RAP1GAP2: variants seen among roughly 807,000 people sequenced by gnomAD.
RAP1GAP2 encodes RAP1 GTPase activating protein 2.
Under a neutral mutation model 95.0 loss-of-function variants are expected in RAP1GAP2, and 27 were observed. The ratio of observed to expected loss-of-function variants is 0.28; its 90% CI spans 0.21 to 0.39. The LOEUF is 0.39. Ranked by LOEUF, RAP1GAP2 falls within the 10% of genes least tolerant of loss-of-function variation. The probability of loss-of-function intolerance (pLI) is 1.00; values close to 1 mark genes in which losing one functional copy is unlikely to be tolerated. For synonymous variants in RAP1GAP2, 373 were observed against 380.9 expected (o/e 0.98, Z 0.24); for missense variants, 771 against 970.0 (o/e 0.79, Z 2.72).
intron 2 of RAP1GAP2, among the ~76,000 whole-genome samples, chr17:2,833,814 T>C (rs1163542676): frequency 1.3e-5 from 2 of 151,426 alleles, no homozygotes; most frequent in African/African-American, 4.9e-5. Context: ...GGTGATAGGG[T>C]AGGTGACTTT....
Position 2,903,930 on chromosome 17 carries a change from A to G in RAP1GAP2, c.81-1354A>G, listed in dbSNP as rs1040435414. ...TAGGGAGGGTGGGTTTCTGTCATGA[A>G]GAAGGTGTGGGGTTGGAACTGTCGC... On this transcript the variant is annotated intron_variant, in intron 2 of 24. Transcript: ENST00000254695. This position sits in a 1 kb window ranked among gnomAD's most constrained non-coding sequence, Gnocchi z 4.1. Among the ~76,000 whole-genome samples, 3 of 152,136 alleles carry G rather than the reference A, an allele frequency of 2.0e-5. No homozygotes were observed. Among genetic ancestry groups the G allele is most frequent in the African/African-American group, 7.2e-5 (3 of 41,444 alleles).
At chr17:3,025,114 C>T (rs1232282280) in intron 19 of RAP1GAP2, among the ~76,000 whole-genome samples, 6 of 152,190 alleles carry the variant, frequency 3.9e-5, no homozygotes, top group East Asian at 1.9e-4. Flanking sequence ...CGGTGGCTCA[C>T]GCCTGTAATC....
chr17:2,790,286 A>G (rs2068891306), intron 1 of RAP1GAP2, among the ~76,000 whole-genome samples: 1 of 151,884 alleles, frequency 6.6e-6, no homozygotes, highest in Non-Finnish European at 1.5e-5. Flanking sequence ...CTAATTTTGT[A>G]TTTTTAGTAG....
At position 2,800,235 on chromosome 17, in the gene RAP1GAP2, A is replaced by G. The variant is rs117336779; in HGVS notation, c.45-280A>G. ...GACCTGACGTGAGATACCTGAATTC[A>G]GACTGGGCCAGTGATTTTACCTTTC... On this transcript the variant is annotated intron_variant, in intron 1 of 24. Coordinates refer to ENST00000254695, the MANE Select transcript of RAP1GAP2 (RefSeq NM_015085.5). 4,771 of 985,010 alleles carry G rather than the reference A, an allele frequency of 4.8e-3. 19 individuals carry two copies. The highest frequency in any genetic ancestry group is 0.014 in the Middle Eastern group (27 of 1,912). 61.0% of individuals were successfully genotyped at this position (985,010 alleles called of 1,614,324 possible).
chr17:2,986,665 C>T (rs1159363238), intron 11 of RAP1GAP2, among the ~76,000 whole-genome samples: 1 of 151,960 alleles, frequency 6.6e-6, no homozygotes, highest in Non-Finnish European at 1.5e-5. Context: ...AAATGAGCCT[C>T]ACCTAACTCT....
In RAP1GAP2 at chr17:2,843,119, C is replaced by CA. The variant is rs546677490; in HGVS notation, c.80+42575dup. On this transcript the variant is annotated intron_variant, in intron 2 of 24. Coordinates refer to ENST00000254695, the MANE Select transcript of RAP1GAP2 (RefSeq NM_015085.5). ...AAGCACACAGACAAATCAGCAACAA[C>CA]AAAAAACCCAAAACCTCAACCTGGA... 6.6e-4 allele frequency among the ~76,000 whole-genome samples: 100 copies of CA among 151,956 alleles called. 2 individuals are homozygous for CA. Among genetic ancestry groups the CA allele is most frequent in the Non-Finnish European group, 4.3e-4 (29 of 68,002 alleles).
intron 12 of RAP1GAP2, among the ~76,000 whole-genome samples, chr17:2,993,506 G>C (rs1165178230): frequency 6.6e-6 from 1 of 152,010 alleles, no homozygotes; most frequent in Non-Finnish European, 1.5e-5. Flanking sequence ...CCAGGAGATG[G>C]AGGCTGCAGT....
chr17:2,789,027 G>A (rs1124040), intron 1 of RAP1GAP2, among the ~76,000 whole-genome samples: 56,221 of 151,890 alleles, frequency 0.37, 10,750 homozygotes, highest in South Asian at 0.43. Flanking sequence ...ACATTAATGG[G>A]ACGCCCGTTT....
intron 3 of RAP1GAP2, among the ~76,000 whole-genome samples, chr17:2,941,247 C>G (rs1468045140): frequency 6.6e-6 from 1 of 151,974 alleles, no homozygotes; most frequent in Non-Finnish European, 1.5e-5. Context: ...ACTAAAAACA[C>G]AAAAATTAGC....
At chr17:2,896,148 CTT>C (rs1390919092) in intron 2 of RAP1GAP2, among the ~76,000 whole-genome samples, 1 of 152,176 alleles carries the variant, frequency 6.6e-6, no homozygotes, top group Non-Finnish European at 1.5e-5. Flanking sequence ...TTCTGTATCT[CTT>C]GTTTCACCCC....
In RAP1GAP2 at chr17:2,880,367, G is replaced by A. The variant is rs2073241388; in HGVS notation, c.81-24917G>A. 1.3e-5 allele frequency among the ~76,000 whole-genome samples: 2 copies of A among 152,050 alleles called. 1 individual carries two copies. Among genetic ancestry groups the A allele is most frequent in the South Asian group, 4.1e-4 (2 of 4,824 alleles). On this transcript the variant is annotated intron_variant, in intron 2 of 24. Transcript: ENST00000254695. Reference sequence around the variant, plus strand: ...TGGGGCCGTTGGGACAAGGGGGTGCGGAGAGTTGGGTTTGAGCCACATGGT... The same window carrying A: ...TGGGGCCGTTGGGACAAGGGGGTGCAGAGAGTTGGGTTTGAGCCACATGGT...
intron 1 of RAP1GAP2, among the ~76,000 whole-genome samples, chr17:2,759,574 C>T (rs557776824): frequency 7.4e-4 from 112 of 152,276 alleles, no homozygotes; most frequent in Non-Finnish European, 1.2e-3. Flanking sequence ...CCTCAGCCCC[C>T]GGAGTAGCTG....
At chr17:2,927,345 G>C (rs965012825) in intron 3 of RAP1GAP2, among the ~76,000 whole-genome samples, 3 of 151,342 alleles carry the variant, frequency 2.0e-5, no homozygotes, top group Non-Finnish European at 2.9e-5. Flanking sequence ...AGTAGAGACG[G>C]GGTTTCACCG....
intron 2 of RAP1GAP2, among the ~76,000 whole-genome samples, chr17:2,896,890 C>G (rs1206994976): frequency 1.3e-5 from 2 of 152,210 alleles, no homozygotes; most frequent in Non-Finnish European, 2.9e-5. Flanking sequence ...CAGGGTCCTG[C>G]GCAGGGTGTA....
intron 8 of RAP1GAP2, among the ~76,000 whole-genome samples, chr17:2,976,755 T>G (rs2045137145): frequency 6.6e-6 from 1 of 151,982 alleles, no homozygotes; most frequent in Admixed American, 6.6e-5. Context: ...AAGAAAAAAC[T>G]CAGTCTTACT....
rs190387398 is a variant in RAP1GAP2, at chr17:2,905,243, C to T, written c.81-41C>T. 137 of 1,572,840 alleles carry T rather than the reference C, an allele frequency of 8.7e-5. No homozygotes were observed. In the African/African-American group the frequency reaches 1.1e-3, roughly 13 times the overall value. The stretch of plus-strand genomic sequence containing the variant: ...CACTCTTGGAGGAGAGAAGGGAAGG[C>T]GCAGGCAGGTCCTCACTCACCTCTT... On this transcript the variant is annotated intron_variant, in intron 2 of 24. Coordinates refer to ENST00000254695, the MANE Select transcript of RAP1GAP2 (RefSeq NM_015085.5).
intron 2 of RAP1GAP2, among the ~76,000 whole-genome samples, chr17:2,853,644 AGGCCGGGGCGCGGGAGGCGG>A (rs1192009528): frequency 1.4e-5 from 2 of 140,180 alleles, no homozygotes; most frequent in Non-Finnish European, 3.1e-5. Context: ...CGGGCGGCCG[AGGCCGGGGCGCGGGAGGCGG>A]GGCCGGGGCG....
rs928711514 is a variant in RAP1GAP2 at position 2,797,039 on chromosome 17, T to G, written c.44+468T>G. Reference sequence around the variant, plus strand: ...CAGCTGCCTGTCTGCACTTCTGGCCTTCTGTGTCTGTGTGTGCTTGTGTCT... The same window carrying G: ...CAGCTGCCTGTCTGCACTTCTGGCCGTCTGTGTCTGTGTGTGCTTGTGTCT... On this transcript the variant is annotated intron_variant, in intron 1 of 24. Coordinates refer to ENST00000254695, the MANE Select transcript of RAP1GAP2 (RefSeq NM_015085.5). The surrounding 1 kb of genome is among the most constrained non-coding windows in gnomAD (Gnocchi z 5.6). 1.3e-5 allele frequency among the ~76,000 whole-genome samples: 2 copies of G among 152,072 alleles called. No individual in the cohort carries two copies. The highest frequency in any genetic ancestry group is 4.8e-5 in the African/African-American group (2 of 41,402).
In RAP1GAP2 at chr17:2,991,462, G is replaced by A. The variant is rs1298054040; in HGVS notation, c.914+65G>A. The A allele has an allele frequency of 6.3e-6, 8 of 1,275,892 alleles. No homozygotes were observed. The Admixed American group carries it at 1.6e-4, about 26-fold the overall frequency. The allele number at this position is 1,275,892 out of a possible 1,614,324, so 79.0% of individuals were successfully genotyped here. A position where few individuals can be genotyped will look rare whatever the true frequency, so the allele number is the denominator to read the frequency against. On this transcript the variant is annotated intron_variant, in intron 12 of 24. Coordinates refer to ENST00000254695, the MANE Select transcript of RAP1GAP2 (RefSeq NM_015085.5). ...AGGGCACTAGAGGAAGGGCAAGACAGCTCAGTCCTCAGGGAGCACGTGTGA... is the reference window on the plus strand; with the variant it reads ...AGGGCACTAGAGGAAGGGCAAGACAACTCAGTCCTCAGGGAGCACGTGTGA...
Sources: allele counts gnomAD v4.1 joint callset (sites outside exome capture counted in the v4.1 genomes callset), GRCh38; gene constraint gnomAD v4.1.1; non-coding constraint Gnocchi (gnomAD v3.1); transcripts MANE v1.5; gene names NCBI Gene and HGNC (gene_info 2026-07-23, HGNC 2026-07-21).